The following ANKRD30BL variants were observed in gnomAD, a reference collection of about 807,000 sequenced individuals.
ANKRD30BL encodes putative ankyrin repeat domain-containing protein 30B-like.
A neutral mutation model predicts 18.4 loss-of-function variants in ANKRD30BL; 20 were observed. That is an observed-to-expected ratio of 1.09 (90% CI 0.77 to 1.58). The LOEUF (loss-of-function observed/expected upper bound fraction) is 1.58. Among genes scored for constraint, ANKRD30BL ranks in the 40% most tolerant of loss-of-function variants. The pLI is 0.00. For synonymous variants in ANKRD30BL, 72 were observed against 100.9 expected (o/e 0.71, Z 1.72); for missense variants, 224 against 268.6 (o/e 0.83, Z 1.16).
At chr2:132,161,463 C>A in intron 1 of ANKRD30BL, 25 bp downstream of exon 1, 2 of 1,444,012 alleles carry the variant, frequency 1.4e-6, no homozygotes, top group Non-Finnish European at 1.9e-6. Context: ...CCTCCTGCAG[C>A]CCCGGCTCAG....
intron 1 of ANKRD30BL, among the ~76,000 whole-genome samples, chr2:132,198,268 T>TTTTCTTTCTTTCTTTC (rs1372612115): frequency 2.7e-5 from 3 of 109,800 alleles, no homozygotes; most frequent in African/African-American, 4.9e-5. Flanking sequence ...TCTTTCTTTC[T>TTTTCTTTCTTTCTTTC]TTTCTTTCTT....
chr2:132,257,499 C>G (rs575976864), intron 1 of ANKRD30BL: 156 of 260,808 alleles, frequency 6.0e-4, no homozygotes, highest in African/African-American at 3.4e-3. Flanking sequence ...ACCGCGGAGG[C>G]TGGCGGAACC....
intron 1 of ANKRD30BL, among the ~76,000 whole-genome samples, chr2:132,204,698 A>G (rs1558931563): frequency 6.6e-6 from 1 of 152,176 alleles, no homozygotes; most frequent in Non-Finnish European, 1.5e-5. Flanking sequence ...GCTGAACTTA[A>G]TAATTCATTT....
intron 1 of ANKRD30BL, among the ~76,000 whole-genome samples, chr2:132,254,618 G>A (rs1054217897): frequency 2.6e-5 from 4 of 152,208 alleles, no homozygotes; most frequent in African/African-American, 7.2e-5. Context: ...TCGCCAATGA[G>A]GTTCAACAGG....
intron 1 of ANKRD30BL, among the ~76,000 whole-genome samples, chr2:132,236,085 G>A (rs1573875158): frequency 1.3e-5 from 2 of 152,150 alleles, no homozygotes; most frequent in South Asian, 4.2e-4. Flanking sequence ...ACAAGCAATG[G>A]GGAAAGGATT....
In ANKRD30BL at chr2:132,173,662, A is replaced by AT. The variant is rs34119441; in HGVS notation, n.442-16517dup. Among the ~76,000 whole-genome samples, 497 of 148,872 alleles carry AT rather than the reference A, an allele frequency of 3.3e-3. 4 individuals carry two copies. Among genetic ancestry groups the AT allele is most frequent in the Middle Eastern group, 0.014 (4 of 288 alleles). On this transcript the variant is annotated intron_variant and non_coding_transcript_variant, in intron 1 of 4. Transcript: ENST00000470729. Reference sequence around the variant, plus strand: ...TTTTTGGGGAAAAAAATCTGTAATTATTTTTTTTTTACTTGTTCTTGGAAC... The same window carrying AT: ...TTTTTGGGGAAAAAAATCTGTAATTATTTTTTTTTTTACTTGTTCTTGGAAC...
intron 1 of ANKRD30BL, among the ~76,000 whole-genome samples, chr2:132,255,192 A>G (rs1249294640): frequency 2.0e-5 from 3 of 152,240 alleles, no homozygotes. Flanking sequence ...TTGATTAATG[A>G]AAACATTCTT....
intron 1 of ANKRD30BL, among the ~76,000 whole-genome samples, chr2:132,243,245 A>T (rs1680387535): frequency 6.7e-6 from 1 of 148,808 alleles, no homozygotes; most frequent in Admixed American, 6.7e-5. Flanking sequence ...TAGGCAGAAA[A>T]ATTCTTAGAA....
chr2:132,246,162 CTTCT>C (rs893973065), intron 1 of ANKRD30BL, among the ~76,000 whole-genome samples: 5 of 151,922 alleles, frequency 3.3e-5, no homozygotes, highest in African/African-American at 1.2e-4. Flanking sequence ...TTCTCCGAAA[CTTCT>C]TTGTGATGCT....
At chr2:132,253,749 G>A (rs1291236658) in intron 1 of ANKRD30BL, among the ~76,000 whole-genome samples, 2 of 151,882 alleles carry the variant, frequency 1.3e-5, no homozygotes, top group African/African-American at 4.8e-5. Flanking sequence ...CCCTCAAGGG[G>A]TCCTTAAACC....
chr2:132,249,051 G>C (rs201228196), intron 1 of ANKRD30BL, among the ~76,000 whole-genome samples: 2 of 151,864 alleles, frequency 1.3e-5, no homozygotes, highest in Non-Finnish European at 2.9e-5. Flanking sequence ...GAAAAGAAAC[G>C]TTTACCTCTG....
At chr2:132,213,273 C>T (rs572128153) in intron 1 of ANKRD30BL, among the ~76,000 whole-genome samples, 1 of 151,336 alleles carries the variant, frequency 6.6e-6, no homozygotes, top group Non-Finnish European at 1.5e-5. Context: ...ACATTTGGAG[C>T]GATTTGAGGC....
intron 1 of ANKRD30BL, among the ~76,000 whole-genome samples, chr2:132,234,770 G>T (rs1680109711): frequency 6.6e-6 from 1 of 152,058 alleles, no homozygotes; most frequent in Non-Finnish European, 1.5e-5. Context: ...AGGAGGAACT[G>T]GTACCATTCC....
intron 1 of ANKRD30BL, among the ~76,000 whole-genome samples, chr2:132,171,060 G>A (rs1463663035): frequency 1.3e-5 from 2 of 151,474 alleles, no homozygotes; most frequent in Non-Finnish European, 2.9e-5. Context: ...GGAGGCTGAG[G>A]CAGGAGAATG....
At chr2:132,212,627 G>A (rs970109235) in intron 1 of ANKRD30BL, among the ~76,000 whole-genome samples, 3 of 151,278 alleles carry the variant, frequency 2.0e-5, no homozygotes, top group Non-Finnish European at 1.5e-5. Context: ...GCCTATGGGG[G>A]AAAACAATCT....
chr2:132,219,834 A>C (rs1247628391), intron 1 of ANKRD30BL, among the ~76,000 whole-genome samples: 1 of 152,122 alleles, frequency 6.6e-6, no homozygotes, highest in Non-Finnish European at 1.5e-5. Flanking sequence ...TCGTCACATA[A>C]ACACTAGACA....
At position 132,220,312 on chromosome 2, in the gene ANKRD30BL, C is replaced by G. The variant is rs986080984; in HGVS notation, n.441+37217G>C. On this transcript the variant is annotated intron_variant and non_coding_transcript_variant, in intron 1 of 4. Transcript: ENST00000470729. ...CCTCTCCCTCTCCCTGTCCCTCTCCCTCTCCCTCTCCCTGTCCCTCTCCCT... is the reference window on the plus strand; with the variant it reads ...CCTCTCCCTCTCCCTGTCCCTCTCCGTCTCCCTCTCCCTGTCCCTCTCCCT... Among the ~76,000 whole-genome samples, 7 of 119,170 alleles carry G rather than the reference C, an allele frequency of 5.9e-5. No individual in the cohort carries two copies. The South Asian group carries it at 2.3e-3, about 39-fold the overall frequency. The allele number at this position is 119,170 out of a possible 152,430, so 78.2% of individuals were successfully genotyped here. A position where few individuals can be genotyped will look rare whatever the true frequency, so the allele number is the denominator to read the frequency against.
chr2:132,233,883 AT>A (rs571272237), intron 1 of ANKRD30BL, among the ~76,000 whole-genome samples: 4 of 152,016 alleles, frequency 2.6e-5, no homozygotes, highest in East Asian at 1.9e-4. Flanking sequence ...CAGAATATAC[AT>A]TTTTTTCAAC....
chr2:132,256,649 C>T lies in ANKRD30BL; in HGVS notation n.441+880G>A, dbSNP rs1312515526. ...CCACCGCCGCCACTGTCGCGGCCAG[C>T]CCCCTGAACCCTCTTCCCTGCACAC... is the stretch of plus-strand genomic sequence containing the variant. On this transcript the variant is annotated intron_variant and non_coding_transcript_variant, in intron 1 of 4. Coordinates refer to the ANKRD30BL transcript ENST00000470729. Among the ~76,000 whole-genome samples the T allele has an allele frequency of 3.3e-5, 5 of 152,320 alleles. 1 individual carries two copies. The highest frequency in any genetic ancestry group is 3.9e-4 in the East Asian group (2 of 5,156).
Sources: allele counts gnomAD v4.1 joint callset (sites outside exome capture counted in the v4.1 genomes callset), GRCh38; gene constraint gnomAD v4.1.1; transcripts MANE v1.5; gene names NCBI Gene and HGNC (gene_info 2026-07-23, HGNC 2026-07-21).